Variants in GPC5 observed in about 807,000 individuals in gnomAD.
The protein encoded by GPC5 is glypican-5.
GPC5 carries 47 observed loss-of-function variants against 53.9 expected under a neutral mutation model. The ratio of observed to expected loss-of-function variants is 0.87; its 90% CI spans 0.69 to 1.11. The LOEUF is 1.11. GPC5 is among the 50% of genes most tolerant of loss of function. GPC5 has a pLI of 0.00. For missense variants in GPC5, 748 were observed against 713.1 expected, an observed-to-expected ratio of 1.05 and a Z score of -0.56; for synonymous variants, 286 against 263.3, an observed-to-expected ratio of 1.09 and a Z score of -0.84.
chr13:91,726,859 C>T (rs991301258), intron 3 of GPC5, among the ~76,000 whole-genome samples: 2 of 152,212 alleles, frequency 1.3e-5, no homozygotes, highest in Non-Finnish European at 2.9e-5. Context: ...AAATCTGAAG[C>T]AGCGCTTTCC....
chr13:91,818,892 C>T (rs1323900690), intron 5 of GPC5, among the ~76,000 whole-genome samples: 2 of 152,178 alleles, frequency 1.3e-5, no homozygotes, highest in African/African-American at 4.8e-5. Flanking sequence ...CTCTTGAAGA[C>T]AGCCACTGGA....
chr13:92,107,575 T>C (rs917377013), intron 6 of GPC5, among the ~76,000 whole-genome samples: 1 of 152,126 alleles, frequency 6.6e-6, no homozygotes, highest in African/African-American at 2.4e-5. Context: ...GACTTGATAG[T>C]TGTAATTGTC....
At chr13:92,701,839 G>T (rs9523782) in intron 7 of GPC5, among the ~76,000 whole-genome samples, 69,258 of 151,910 alleles carry the variant, frequency 0.46, 16,501 homozygotes, top group East Asian at 0.76. Context: ...ATCTAAAAAT[G>T]GAATTCATTC....
chr13:92,356,649 TAGA>T (rs1327333345), intron 7 of GPC5, among the ~76,000 whole-genome samples: 2 of 152,014 alleles, frequency 1.3e-5, no homozygotes, highest in Admixed American at 6.6e-5. Context: ...CCCAAGAAAT[TAGA>T]AGGAGGGAAA....
chr13:92,682,815 T>C (rs562124792), intron 7 of GPC5, among the ~76,000 whole-genome samples: 3 of 152,338 alleles, frequency 2.0e-5, no homozygotes, highest in African/African-American at 7.2e-5. Flanking sequence ...ACACAAAAGT[T>C]AATTATACAT....
intron 6 of GPC5, among the ~76,000 whole-genome samples, chr13:92,137,035 G>C (rs2041789769): frequency 6.6e-6 from 1 of 151,870 alleles, no homozygotes; most frequent in South Asian, 2.1e-4. Context: ...TGGCATTGAG[G>C]AAAGGAAGCA....
intron 7 of GPC5, chr13:92,340,019 G>C (rs1177303694): frequency 2.0e-5 from 3 of 152,008 alleles, no homozygotes; most frequent in Admixed American, 6.6e-5. Flanking sequence ...ATATGAAAAT[G>C]AGCACGTAGC....
chr13:92,455,623 T>C (rs1049060437), intron 7 of GPC5, among the ~76,000 whole-genome samples: 1 of 152,276 alleles, frequency 6.6e-6, no homozygotes, highest in East Asian at 1.9e-4. Flanking sequence ...AAACAATTGG[T>C]TAAATGCTAT....
chr13:92,508,166 G>C (rs914436580), intron 7 of GPC5, among the ~76,000 whole-genome samples: 3 of 152,098 alleles, frequency 2.0e-5, no homozygotes, highest in Non-Finnish European at 4.4e-5. Context: ...GTTTCACCAT[G>C]TTGGCCAGGA....
intron 6 of GPC5, among the ~76,000 whole-genome samples, chr13:91,958,908 A>G (rs1287062215): frequency 6.6e-6 from 1 of 152,086 alleles, no homozygotes; most frequent in East Asian, 1.9e-4. Flanking sequence ...ATAGTAATCC[A>G]CACCTACATC....
chr13:92,809,676 T>C (rs912408999), intron 7 of GPC5, among the ~76,000 whole-genome samples: 2 of 152,192 alleles, frequency 1.3e-5, no homozygotes, highest in South Asian at 4.1e-4. Context: ...TATTTTAAGA[T>C]TTTAAATTAC....
intron 5 of GPC5, among the ~76,000 whole-genome samples, chr13:91,897,455 A>G (rs894786572): frequency 1.3e-5 from 2 of 151,744 alleles, no homozygotes; most frequent in African/African-American, 2.4e-5. Flanking sequence ...ATCCTAAGTA[A>G]TTTGTTTGGT....
At chr13:91,735,571 ATAG>A (rs1021684940) in intron 4 of GPC5, among the ~76,000 whole-genome samples, 1 of 151,432 alleles carries the variant, frequency 6.6e-6, no homozygotes, top group African/African-American at 2.5e-5. Context: ...TTTTCAAAAT[ATAG>A]TATCTTTTTG....
intron 7 of GPC5, among the ~76,000 whole-genome samples, chr13:92,601,554 C>CAAAAA (rs57333686): frequency 1.6e-4 from 11 of 67,366 alleles, no homozygotes; most frequent in South Asian, 6.8e-4. Context: ...GACTCCATCT[C>CAAAAA]AAAAAAAAAA....
chr13:92,459,373 T>C (rs1485454716), intron 7 of GPC5, among the ~76,000 whole-genome samples: 1 of 152,208 alleles, frequency 6.6e-6, no homozygotes, highest in African/African-American at 2.4e-5. Flanking sequence ...TTCAAATCAC[T>C]GTTCCTCATG....
At chr13:92,500,214 C>A (rs976841738) in intron 7 of GPC5, among the ~76,000 whole-genome samples, 1 of 152,046 alleles carries the variant, frequency 6.6e-6, no homozygotes, top group African/African-American at 2.4e-5. Flanking sequence ...AGACCCTGAC[C>A]CAACAACAGA....
At chr13:92,330,582 A>G (rs577970758) in intron 7 of GPC5, among the ~76,000 whole-genome samples, 163 of 152,288 alleles carry the variant, frequency 1.1e-3, no homozygotes, top group African/African-American at 3.7e-3. Flanking sequence ...GAGTAGAATC[A>G]GGAATTGGAA....
At chr13:92,364,897 T>C (rs1488944285) in intron 7 of GPC5, among the ~76,000 whole-genome samples, 2 of 151,856 alleles carry the variant, frequency 1.3e-5, no homozygotes, top group East Asian at 1.9e-4. Flanking sequence ...ATCAGCTCCA[T>C]GAGAATAAGT....
chr13:91,685,679 T>C (rs2035606413), intron 2 of GPC5, among the ~76,000 whole-genome samples: 1 of 152,152 alleles, frequency 6.6e-6, no homozygotes, highest in Non-Finnish European at 1.5e-5. Flanking sequence ...CAGTTTTAGC[T>C]TCAAGGTCTA....
Sources: gnomAD v4.1 joint callset for allele counts (sites outside exome capture counted in the v4.1 genomes callset) on GRCh38, gnomAD v4.1.1 for gene constraint, MANE v1.5 for transcripts, NCBI Gene and HGNC (gene_info 2026-07-23, HGNC 2026-07-21) for gene names.